Variants in SLC16A7 observed in about 807,000 individuals in gnomAD.
SLC16A7 encodes the protein monocarboxylate transporter 2.
A neutral mutation model predicts 34.9 loss-of-function variants in SLC16A7; 33 were observed. The ratio of observed to expected loss-of-function variants is 0.94; its 90% CI spans 0.72 to 1.26. SLC16A7 has a LOEUF of 1.26. Ranked by LOEUF, SLC16A7 falls within the 50% of genes most tolerant of loss-of-function variation. The probability of loss-of-function intolerance (pLI) is 0.00; values close to 1 mark genes in which losing one functional copy is unlikely to be tolerated. For missense variants in SLC16A7, 573 were observed against 578.1 expected, an observed-to-expected ratio of 0.99 and a Z score of 0.09; for synonymous variants, 201 against 206.6, an observed-to-expected ratio of 0.97 and a Z score of 0.23.
intron 3 of SLC16A7, among the ~76,000 whole-genome samples, chr12:59,732,590 C>T (rs1455713688): frequency 6.6e-6 from 1 of 152,194 alleles, no homozygotes; most frequent in Non-Finnish European, 1.5e-5. Flanking sequence ...CACTCATCTT[C>T]ACACTTTTGC....
At chr12:59,704,520 C>T (rs976080421) in intron 2 of SLC16A7, among the ~76,000 whole-genome samples, 3 of 152,060 alleles carry the variant, frequency 2.0e-5, no homozygotes, top group African/African-American at 7.2e-5. Flanking sequence ...CTTAACTTCA[C>T]TTTGAGTAAT....
intron 3 of SLC16A7, among the ~76,000 whole-genome samples, chr12:59,765,121 A>G (rs1242108269): frequency 1.3e-5 from 2 of 152,190 alleles, no homozygotes; most frequent in South Asian, 2.1e-4. Context: ...TTGGCTGCAT[A>G]AATGTCTTCT....
At chr12:59,743,639 C>A (rs1048059077) in intron 3 of SLC16A7, among the ~76,000 whole-genome samples, 2 of 152,082 alleles carry the variant, frequency 1.3e-5, no homozygotes, top group Non-Finnish European at 2.9e-5. Flanking sequence ...AAGACTTTAA[C>A]AAATTTTTAT....
At chr12:59,597,873 C>T in intron 1 of SLC16A7, among the ~76,000 whole-genome samples, 1 of 152,132 alleles carries the variant, frequency 6.6e-6, no homozygotes, top group East Asian at 1.9e-4. Flanking sequence ...TTTTTTCCCC[C>T]CAAGGCATGT....
At chr12:59,716,776 G>A (rs576263481) in intron 3 of SLC16A7, among the ~76,000 whole-genome samples, 2 of 152,240 alleles carry the variant, frequency 1.3e-5, no homozygotes, top group Non-Finnish European at 2.9e-5. Flanking sequence ...GAGCCCAGGA[G>A]GGGAAGTTGC....
chr12:59,690,161 ACT>A (rs1351115349), intron 2 of SLC16A7, among the ~76,000 whole-genome samples: 1 of 151,966 alleles, frequency 6.6e-6, no homozygotes, highest in Non-Finnish European at 1.5e-5. Context: ...CTAAGCCATG[ACT>A]CTGGGAGAGA....
Position 59,785,983 on chromosome 12 carries a change from A to G in SLC16A7, c.*6304A>G, listed in dbSNP as rs1204705588. 6.8e-6 allele frequency: 1 copy of G among 146,620 alleles called. No homozygotes were observed. Among genetic ancestry groups the G allele is most frequent in the Non-Finnish European group, 1.5e-5 (1 of 66,864 alleles). 9.1% of individuals were successfully genotyped at this position (146,620 alleles called of 1,614,324 possible). A position where few individuals can be genotyped will look rare whatever the true frequency, so the allele number is the denominator to read the frequency against. On this transcript the variant is annotated 3_prime_UTR_variant, in exon 6 of 6. Coordinates refer to ENST00000547379, the MANE Select transcript of SLC16A7 (RefSeq NM_001270623.2). The stretch of plus-strand genomic sequence containing the variant: ...TCTCACTCATAGGTGGGAACTGAAC[A>G]ATGAGAACACATGGACACAGGAAGG...
intron 4 of SLC16A7, among the ~76,000 whole-genome samples, chr12:59,773,728 C>A (rs1882461481): frequency 6.6e-6 from 1 of 152,106 alleles, no homozygotes; most frequent in African/African-American, 2.4e-5. Flanking sequence ...CCACACCCGG[C>A]TAATTTTTGT....
chr12:59,765,500 A>AT (rs1347963053), intron 3 of SLC16A7, among the ~76,000 whole-genome samples: 4 of 152,130 alleles, frequency 2.6e-5, no homozygotes, highest in Non-Finnish European at 5.9e-5. Flanking sequence ...ATCTTGAATT[A>AT]ATTTTTGTAT....
chr12:59,649,095 T>TGAGC (rs1312105079), intron 1 of SLC16A7, among the ~76,000 whole-genome samples: 1 of 152,202 alleles, frequency 6.6e-6, no homozygotes, highest in African/African-American at 2.4e-5. Flanking sequence ...AGGATTATTC[T>TGAGC]GAGCCTCTAT....
At chr12:59,662,498 T>C (rs1490912942) in intron 2 of SLC16A7, among the ~76,000 whole-genome samples, 1 of 152,126 alleles carries the variant, frequency 6.6e-6, no homozygotes, top group Non-Finnish European at 1.5e-5. Context: ...TTGGAGTTAC[T>C]TTTGAGAATT....
At chr12:59,683,068 A>G (rs778945584) in intron 2 of SLC16A7, among the ~76,000 whole-genome samples, 2 of 129,664 alleles carry the variant, frequency 1.5e-5, no homozygotes, top group Non-Finnish European at 3.4e-5. Context: ...CTCTGTCTTG[A>G]AAAAAAAAAT....
chr12:59,677,499 C>G (rs1222804051), intron 2 of SLC16A7, among the ~76,000 whole-genome samples: 1 of 152,094 alleles, frequency 6.6e-6, no homozygotes, highest in Non-Finnish European at 1.5e-5. Context: ...AAATATCTGT[C>G]TCATTCTCAA....
chr12:59,621,152 A>T (rs1164267787), intron 1 of SLC16A7, among the ~76,000 whole-genome samples: 1 of 151,824 alleles, frequency 6.6e-6, no homozygotes, highest in African/African-American at 2.4e-5. Flanking sequence ...TGCATTCATG[A>T]GCTTGAATTT....
In SLC16A7 at chr12:59,713,886, G is replaced by T. The variant is rs146130053; in HGVS notation, c.217+8868G>T. 1.4e-3 allele frequency among the ~76,000 whole-genome samples: 213 copies of T among 152,294 alleles called. 1 individual carries two copies. Among genetic ancestry groups the T allele is most frequent in the Middle Eastern group, 6.8e-3 (2 of 292 alleles). On this transcript the variant is annotated intron_variant, in intron 3 of 5. Coordinates refer to ENST00000547379, the MANE Select transcript of SLC16A7 (RefSeq NM_001270623.2). ...TGTGCAAAACACTGGTGTGGCATTG[G>T]AAAAACCACAGCGAGCCAACAGACA...
intron 2 of SLC16A7, chr12:59,664,771 A>C (rs1045845672): frequency 6.6e-6 from 1 of 152,118 alleles, no homozygotes; most frequent in African/African-American, 2.4e-5. Context: ...TTCTTGAAAA[A>C]GAGAAATAAC....
Position 59,725,349 on chromosome 12 carries a change from T to G in SLC16A7, c.217+20331T>G, listed in dbSNP as rs1488700443. On this transcript the variant is annotated intron_variant, in intron 3 of 5. Transcript: ENST00000547379. ...CTTTACAGATTAAGAAAGTTAGGAG[T>G]TTTCTGAATGCCATTCAGGGAGTGT... Among the ~76,000 whole-genome samples the G allele has an allele frequency of 3.9e-5, 6 of 152,016 alleles. No homozygotes were observed. The East Asian group carries it at 1.2e-3, about 29-fold the overall frequency.
chr12:59,755,351 A>G (rs570171344), intron 3 of SLC16A7, among the ~76,000 whole-genome samples: 27 of 152,310 alleles, frequency 1.8e-4, no homozygotes. Context: ...TATACCTAGA[A>G]AACCCCATTG....
chr12:59,695,527 C>G (rs17562958), intron 2 of SLC16A7, among the ~76,000 whole-genome samples: 19,317 of 151,944 alleles, frequency 0.13, 1,585 homozygotes, highest in East Asian at 0.18. Flanking sequence ...ATATCCCTGA[C>G]TTTTAAGCCT....
Sources: gnomAD v4.1 joint callset for allele counts (sites outside exome capture counted in the v4.1 genomes callset) on GRCh38, gnomAD v4.1.1 for gene constraint, MANE v1.5 for transcripts, NCBI Gene and HGNC (gene_info 2026-07-23, HGNC 2026-07-21) for gene names.